The following NAALADL2 variants were observed in gnomAD, a reference collection of about 807,000 sequenced individuals.
The protein encoded by NAALADL2 is N-acetylated alpha-linked acidic dipeptidase like 2.
A neutral mutation model predicts 87.2 loss-of-function variants in NAALADL2; 76 were observed. The observed-to-expected ratio is 0.87, with a 90% confidence interval of 0.72 to 1.05. The LOEUF (loss-of-function observed/expected upper bound fraction) is 1.05. Among genes scored for constraint, NAALADL2 ranks in the 50% least tolerant of loss-of-function variants. The pLI is 0.00. For missense variants in NAALADL2, 1,089 were observed against 945.8 expected (o/e 1.15, Z -1.99); for synonymous variants, 354 against 331.0 (o/e 1.07, Z -0.75).
chr3:175,024,691 A>G (rs1354747125), intron 1 of NAALADL2, among the ~76,000 whole-genome samples: 7 of 151,798 alleles, frequency 4.6e-5, no homozygotes, highest in Non-Finnish European at 1.0e-4. Flanking sequence ...ACAGGATATC[A>G]GAGTGAAAAA....
intron 3 of NAALADL2, among the ~76,000 whole-genome samples, chr3:174,739,466 C>T (rs1386909475): frequency 6.6e-6 from 1 of 151,912 alleles, no homozygotes; most frequent in Admixed American, 6.6e-5. Context: ...TTCATTTGGG[C>T]CCTTCCATTG....
At chr3:174,953,801 A>G (rs1395106715) in intron 1 of NAALADL2, among the ~76,000 whole-genome samples, 2 of 151,988 alleles carry the variant, frequency 1.3e-5, no homozygotes, top group Non-Finnish European at 2.9e-5. Context: ...TGACTACTCC[A>G]TATTTCTATT....
intron 8 of NAALADL2, 95 bp downstream of exon 8, chr3:175,467,279 C>A: frequency 1.1e-6 from 1 of 914,026 alleles, no homozygotes; most frequent in Non-Finnish European, 1.7e-6. Flanking sequence ...CAATAATGTG[C>A]TTCTCAACAC....
chr3:174,559,755 G>A (rs929926305), intron 2 of NAALADL2, among the ~76,000 whole-genome samples: 2 of 152,098 alleles, frequency 1.3e-5, no homozygotes, highest in Non-Finnish European at 2.9e-5. Context: ...TATAAGGGTG[G>A]TAATTCCATT....
intron 1 of NAALADL2, among the ~76,000 whole-genome samples, chr3:174,512,312 G>A (rs1719653652): frequency 1.3e-5 from 2 of 152,090 alleles, no homozygotes; most frequent in African/African-American, 4.8e-5. Context: ...AAAGTTGGCT[G>A]TAATTCTCAT....
At chr3:175,374,581 A>G (rs1766903799) in intron 5 of NAALADL2, among the ~76,000 whole-genome samples, 1 of 146,910 alleles carries the variant, frequency 6.8e-6, no homozygotes, top group African/African-American at 2.6e-5. Context: ...AAAAAAAAAA[A>G]AAAAGAAAGT....
chr3:174,702,971 T>C (rs997272107), intron 2 of NAALADL2, among the ~76,000 whole-genome samples: 10 of 152,154 alleles, frequency 6.6e-5, no homozygotes, highest in African/African-American at 1.9e-4. Context: ...ACACTGCTCT[T>C]GGGAAAGAAA....
chr3:175,783,758 A>C (rs1323292967), intron 13 of NAALADL2, among the ~76,000 whole-genome samples: 1 of 151,050 alleles, frequency 6.6e-6, no homozygotes, highest in African/African-American at 2.5e-5. Context: ...GAGTGGTGAG[A>C]CAGGGCATCC....
chr3:175,566,720 A>AT (rs1278785304), intron 9 of NAALADL2, among the ~76,000 whole-genome samples: 3 of 152,130 alleles, frequency 2.0e-5, no homozygotes, highest in African/African-American at 7.2e-5. Flanking sequence ...ATTTATAATA[A>AT]TTTTTTCTGG....
intron 1 of NAALADL2, among the ~76,000 whole-genome samples, chr3:175,021,975 T>C (rs111362062): frequency 1.3e-5 from 2 of 152,166 alleles, no homozygotes; most frequent in African/African-American, 4.8e-5. Flanking sequence ...CATGAATGGC[T>C]TGTCTTCCTC....
chr3:175,550,771 T>A (rs1442295767), intron 9 of NAALADL2, among the ~76,000 whole-genome samples: 1 of 152,166 alleles, frequency 6.6e-6, no homozygotes, highest in Non-Finnish European at 1.5e-5. Flanking sequence ...GAGGGGGAAC[T>A]TCCAATAAGG....
chr3:174,592,904 A>G (rs1288122985), intron 2 of NAALADL2, among the ~76,000 whole-genome samples: 2 of 151,750 alleles, frequency 1.3e-5, no homozygotes, highest in Non-Finnish European at 2.9e-5. Flanking sequence ...TATACAAGGT[A>G]TGTGTGTGTG....
intron 3 of NAALADL2, among the ~76,000 whole-genome samples, chr3:174,831,361 A>G (rs546318568): frequency 1.4e-5 from 2 of 146,530 alleles, no homozygotes; most frequent in East Asian, 3.9e-4. Context: ...ATCTATTGAG[A>G]AAATCATGTG....
chr3:174,631,473 CCAT>C (rs1191006085), intron 2 of NAALADL2, among the ~76,000 whole-genome samples: 2 of 152,120 alleles, frequency 1.3e-5, no homozygotes, highest in Non-Finnish European at 2.9e-5. Context: ...TGCATTCTTC[CCAT>C]CAAGTTCCTG....
At chr3:175,239,303 T>C (rs1451501584) in intron 3 of NAALADL2, among the ~76,000 whole-genome samples, 1 of 152,242 alleles carries the variant, frequency 6.6e-6, no homozygotes, top group Non-Finnish European at 1.5e-5. Context: ...CAGTGATTTG[T>C]ATTTTTCTTA....
At chr3:174,812,627 T>G (rs1720343167) in intron 3 of NAALADL2, among the ~76,000 whole-genome samples, 1 of 152,072 alleles carries the variant, frequency 6.6e-6, no homozygotes, top group African/African-American at 2.4e-5. Context: ...AAGAAGGCAT[T>G]GTTTTCATAG....
intron 2 of NAALADL2, among the ~76,000 whole-genome samples, chr3:175,222,950 G>C (rs1437938366): frequency 6.6e-6 from 1 of 151,996 alleles, no homozygotes; most frequent in Non-Finnish European, 1.5e-5. Flanking sequence ...ACCTGTTGTG[G>C]TATTTTTCCT....
intron 5 of NAALADL2, among the ~76,000 whole-genome samples, chr3:175,377,022 T>G (rs571754491): frequency 5.9e-5 from 9 of 152,182 alleles, no homozygotes; most frequent in Middle Eastern, 3.4e-3. Flanking sequence ...AAAAAAATTA[T>G]TGAATTTAGG....
chr3:175,499,309 A>G (rs1729227816), intron 9 of NAALADL2, among the ~76,000 whole-genome samples: 1 of 152,130 alleles, frequency 6.6e-6, no homozygotes, highest in Non-Finnish European at 1.5e-5. Flanking sequence ...CATATAACCA[A>G]TGAGATTTCA....
Sources: allele counts gnomAD v4.1 joint callset (sites outside exome capture counted in the v4.1 genomes callset), GRCh38; gene constraint gnomAD v4.1.1; transcripts MANE v1.5; gene names NCBI Gene and HGNC (gene_info 2026-07-23, HGNC 2026-07-21).